ZMYND11: variants seen among roughly 807,000 people sequenced by gnomAD.
ZMYND11 encodes the protein zinc finger MYND domain-containing protein 11.
ZMYND11 carries 9 observed loss-of-function variants against 84.9 expected under a neutral mutation model. That is an observed-to-expected ratio of 0.11 (90% CI 0.06 to 0.18). The LOEUF is 0.18. ZMYND11 is among the 10% of genes least tolerant of loss of function. The probability of loss-of-function intolerance (pLI) is 1.00; values close to 1 mark genes in which losing one functional copy is unlikely to be tolerated. For missense variants in ZMYND11, 409 were observed against 761.0 expected (o/e 0.54, Z 5.44); for synonymous variants, 250 against 244.1 (o/e 1.02, Z -0.23).
chr10:252,475 G>C lies in ZMYND11; in HGVS notation c.*5G>C, dbSNP rs2132046985. ...ACCTGCCGCCGGAAAAGATGAAGCT[G>C]GCCCTTCCCGGAGTCACCCCGATGA... On this transcript the variant is annotated 3_prime_UTR_variant, in exon 15 of 15. Transcript: ENST00000381604. The surrounding 1 kb of genome is among the most constrained non-coding windows in gnomAD (Gnocchi z 4.6). 2 of 1,608,900 alleles carry C rather than the reference G, an allele frequency of 1.2e-6. No individual in the cohort carries two copies.
chr10:245,962 C>T (rs189659133), intron 10 of ZMYND11, among the ~76,000 whole-genome samples: 4 of 152,318 alleles, frequency 2.6e-5, no homozygotes, highest in Admixed American at 6.5e-5. Context: ...CTCAAGATCA[C>T]GTAGACCCCA....
At chr10:226,680 C>T (rs912687171) in intron 4 of ZMYND11, among the ~76,000 whole-genome samples, 1 of 152,188 alleles carries the variant, frequency 6.6e-6, no homozygotes. Context: ...GGGAAAATTA[C>T]AGTGAGCTAC....
At chr10:210,433 A>T (rs1298155307) in intron 3 of ZMYND11, among the ~76,000 whole-genome samples, 2 of 152,226 alleles carry the variant, frequency 1.3e-5, no homozygotes, top group African/African-American at 4.8e-5. Flanking sequence ...CTAGGGAAAC[A>T]GCCTCAGTTC....
At chr10:230,020 ATTTAT>A (rs541516107) in intron 4 of ZMYND11, among the ~76,000 whole-genome samples, 443 of 152,326 alleles carry the variant, frequency 2.9e-3, no homozygotes, top group Non-Finnish European at 5.2e-3. Flanking sequence ...ATCTAAGAGA[ATTTAT>A]TTTGATTATT....
At chr10:226,629 G>T (rs375096590) in intron 4 of ZMYND11, among the ~76,000 whole-genome samples, 1 of 152,090 alleles carries the variant, frequency 6.6e-6, no homozygotes, top group African/African-American at 2.4e-5. Flanking sequence ...TTTGTATGAT[G>T]TGCTTTTACA....
chr10:214,315 G>A (rs1298382757), intron 3 of ZMYND11, among the ~76,000 whole-genome samples: 4 of 152,220 alleles, frequency 2.6e-5, no homozygotes, highest in East Asian at 1.9e-4. Context: ...AGAAGTATAC[G>A]TACTGAGGAG....
intron 4 of ZMYND11, among the ~76,000 whole-genome samples, chr10:234,533 A>T (rs535316649): frequency 1.3e-5 from 2 of 152,350 alleles, no homozygotes; most frequent in East Asian, 3.9e-4. Context: ...AACCCCACTG[A>T]TAGTATTACA....
upstream of ZMYND11, among the ~76,000 whole-genome samples, chr10:130,436 A>G (rs1554749812): frequency 6.6e-6 from 1 of 152,194 alleles, no homozygotes; most frequent in African/African-American, 2.4e-5. Flanking sequence ...GCATTTCACA[A>G]TATTTGGCCC....
chr10:250,087 GTTC>G (rs1181168764), intron 14 of ZMYND11, among the ~76,000 whole-genome samples: 1 of 152,204 alleles, frequency 6.6e-6, no homozygotes, highest in Non-Finnish European at 1.5e-5. Context: ...ACTTTTCCAT[GTTC>G]TTCTTTAAGA....
At chr10:155,276 CTGT>C (rs1202488948) in intron 1 of ZMYND11, among the ~76,000 whole-genome samples, 2 of 152,062 alleles carry the variant, frequency 1.3e-5, no homozygotes, top group African/African-American at 2.4e-5. Context: ...ATGAAAAACC[CTGT>C]TGTTAACAAA....
intron 2 of ZMYND11, among the ~76,000 whole-genome samples, chr10:201,931 A>G (rs1943257547): frequency 1.3e-5 from 2 of 152,228 alleles, no homozygotes; most frequent in African/African-American, 4.8e-5. Context: ...GTGTATCTCA[A>G]ACCCAAATTG....
At chr10:214,101 A>T (rs1045984843) in intron 3 of ZMYND11, among the ~76,000 whole-genome samples, 1 of 152,148 alleles carries the variant, frequency 6.6e-6, no homozygotes, top group African/African-American at 2.4e-5. Flanking sequence ...TGGGATGCTG[A>T]TCTCAGCCAC....
chr10:166,424 A>G (rs1171718704), intron 1 of ZMYND11, among the ~76,000 whole-genome samples: 1 of 152,154 alleles, frequency 6.6e-6, no homozygotes, highest in Non-Finnish European at 1.5e-5. Context: ...CCAATTAAAA[A>G]TGGGCAAAGG....
At chr10:200,010 G>A (rs1165397810) in intron 2 of ZMYND11, among the ~76,000 whole-genome samples, 1 of 151,730 alleles carries the variant, frequency 6.6e-6, no homozygotes. Flanking sequence ...GACTACAGGT[G>A]TGCACTACCA....
intron 2 of ZMYND11, among the ~76,000 whole-genome samples, chr10:205,952 T>C (rs1944058618): frequency 6.6e-6 from 1 of 152,112 alleles, no homozygotes; most frequent in South Asian, 2.1e-4. Flanking sequence ...ATGTATGTCT[T>C]CTGGACCTAT....
At chr10:188,615 C>T (rs922857235) in intron 2 of ZMYND11, among the ~76,000 whole-genome samples, 1 of 151,632 alleles carries the variant, frequency 6.6e-6, no homozygotes, top group African/African-American at 2.4e-5. Flanking sequence ...AAAAAATTTC[C>T]CAGTATGATT....
At chr10:154,748 A>G (rs1230480213) in intron 1 of ZMYND11, 1 of 152,242 alleles carries the variant, frequency 6.6e-6, no homozygotes, top group Non-Finnish European at 1.5e-5. Flanking sequence ...TTTAATAGAT[A>G]TAAAGATGAA....
chr10:222,861 G>A (rs551201133), intron 4 of ZMYND11, among the ~76,000 whole-genome samples: 7 of 152,104 alleles, frequency 4.6e-5, no homozygotes, highest in South Asian at 2.1e-4. Flanking sequence ...TAACTTAAAC[G>A]AAAATACTGG....
intron 9 of ZMYND11, 91 bp downstream of exon 9, chr10:241,061 T>A: frequency 9.8e-7 from 1 of 1,023,572 alleles, no homozygotes; most frequent in Non-Finnish European, 1.4e-6. Flanking sequence ...TCTTCCTAAA[T>A]TTTTAAAATA....
Sources: gnomAD v4.1 joint callset for allele counts (sites outside exome capture counted in the v4.1 genomes callset) on GRCh38, gnomAD v4.1.1 for gene constraint, Gnocchi (gnomAD v3.1) non-coding constraint, MANE v1.5 for transcripts, NCBI Gene and HGNC (gene_info 2026-07-23, HGNC 2026-07-21) for gene names.